The following CLTA variants were observed in gnomAD, a reference collection of about 807,000 sequenced individuals.
CLTA encodes the protein clathrin, light polypeptide (Lca).
Under a neutral mutation model 26.9 loss-of-function variants are expected in CLTA, and 9 were observed. The ratio of observed to expected loss-of-function variants is 0.33; its 90% CI spans 0.20 to 0.58. The LOEUF (loss-of-function observed/expected upper bound fraction) is 0.58, where lower values mean the gene tolerates loss of function less well. Among genes scored for constraint, CLTA ranks in the 20% least tolerant of loss-of-function variants. The pLI is 0.85. For missense variants in CLTA, 278 were observed against 294.2 expected, an observed-to-expected ratio of 0.94 and a Z score of 0.40; for synonymous variants, 120 against 115.5, an observed-to-expected ratio of 1.04 and a Z score of -0.25.
In CLTA at chr9:36,190,967, G is replaced by A; in HGVS notation, c.-90G>A. ...TGGCGCTTGTCCTCCTCTCCCAGTCGGCACCACAGCGGTGGCTGCCGGGCG... is the reference window on the plus strand; with the variant it reads ...TGGCGCTTGTCCTCCTCTCCCAGTCAGCACCACAGCGGTGGCTGCCGGGCG... On this transcript the variant is annotated 5_prime_UTR_variant, in exon 1 of 5. Coordinates refer to ENST00000345519, the MANE Select transcript of CLTA (RefSeq NM_001833.4). 6.9e-7 allele frequency: 1 copy of A among 1,450,014 alleles called. No homozygotes were observed. Among genetic ancestry groups the A allele is most frequent in the Non-Finnish European group, 9.0e-7 (1 of 1,111,198 alleles). The allele number at this position is 1,450,014 out of a possible 1,614,324, so 89.8% of individuals were successfully genotyped here.
At chr9:36,200,895 C>T (rs1220723287) in intron 3 of CLTA, among the ~76,000 whole-genome samples, 2 of 152,198 alleles carry the variant, frequency 1.3e-5, no homozygotes, top group East Asian at 3.9e-4. Context: ...AAAATAGGTC[C>T]TAACAGCTTT....
chr9:36,211,699 TAGC>T lies in CLTA; in HGVS notation c.584_586del (p.Ser195del). ...GGCTGTGTGACTTTAACCCCAAGTC[TAGC>T]AAGCAGGCCAAAGATGTCTCCCGCA... On this transcript the variant is annotated inframe_deletion, in exon 5 of 5. Coordinates refer to ENST00000345519, the MANE Select transcript of CLTA (RefSeq NM_001833.4). The T allele has an allele frequency of 4.3e-6, 7 of 1,614,128 alleles. No individual in the cohort carries two copies. Among genetic ancestry groups the T allele is most frequent in the Non-Finnish European group, 5.9e-6 (7 of 1,179,988 alleles).
chr9:36,197,460 T>C (rs2132875100), intron 1 of CLTA, 91 bp from the exon 2 acceptor site: 2 of 834,204 alleles, frequency 2.4e-6, no homozygotes, highest in African/African-American at 1.7e-5. Context: ...TCAAGGTTCA[T>C]ACAGCATATG....
intron 1 of CLTA, among the ~76,000 whole-genome samples, chr9:36,192,285 A>AC (rs1330483865): frequency 2.0e-5 from 3 of 152,332 alleles, no homozygotes; most frequent in African/African-American, 7.2e-5. Context: ...AGCTGGCTTG[A>AC]CATGAGACAG....
intron 1 of CLTA, among the ~76,000 whole-genome samples, chr9:36,195,199 A>G: frequency 6.6e-6 from 1 of 152,250 alleles, no homozygotes; most frequent in Non-Finnish European, 1.5e-5. Context: ...AAGTAAAAGA[A>G]GAAAAGTGAG....
At chr9:36,211,489 G>T in intron 4 of CLTA, 114 bp from the exon 5 acceptor site, 1 of 1,411,282 alleles carries the variant, frequency 7.1e-7, no homozygotes. Flanking sequence ...TCTTGGGAAA[G>T]CCAGAATGTC....
Position 36,191,007 on chromosome 9 carries a change from C to G in CLTA, c.-50C>G. The G allele has an allele frequency of 1.4e-6, 2 of 1,474,134 alleles. No homozygotes were observed. The highest frequency in any genetic ancestry group is 1.8e-6 in the Non-Finnish European group (2 of 1,122,884). 91.3% of individuals were successfully genotyped at this position (1,474,134 alleles called of 1,614,324 possible). A position where few individuals can be genotyped will look rare whatever the true frequency, so the allele number is the denominator to read the frequency against. On this transcript the variant is annotated 5_prime_UTR_variant, in exon 1 of 5. Coordinates refer to ENST00000345519, the MANE Select transcript of CLTA (RefSeq NM_001833.4). Reference sequence around the variant, plus strand: ...GCTGCCGGGCGTGGTGTCGGTGGGTCGGTTGGTTTTTGTCTCACCGTTGGT... The same window carrying G: ...GCTGCCGGGCGTGGTGTCGGTGGGTGGGTTGGTTTTTGTCTCACCGTTGGT...
At chr9:36,196,826 A>C (rs1367403597) in intron 1 of CLTA, among the ~76,000 whole-genome samples, 3 of 152,214 alleles carry the variant, frequency 2.0e-5, no homozygotes, top group Non-Finnish European at 4.4e-5. Context: ...ACAAACTATA[A>C]GAAACTCATT....
chr9:36,205,755 GTTTT>G (rs746587996), intron 4 of CLTA, among the ~76,000 whole-genome samples: 64 of 93,986 alleles, frequency 6.8e-4, no homozygotes, highest in East Asian at 2.9e-3. Flanking sequence ...AATGACACCT[GTTTT>G]TTTTTTTTTT....
At position 36,190,987 on chromosome 9, in the gene CLTA, C is replaced by T. The variant is rs1314098971; in HGVS notation, c.-70C>T. 31 of 1,463,324 alleles carry T rather than the reference C, an allele frequency of 2.1e-5. No individual in the cohort carries two copies. The highest frequency in any genetic ancestry group is 8.6e-5 in the South Asian group (6 of 70,090). 90.6% of individuals were successfully genotyped at this position (1,463,324 alleles called of 1,614,324 possible). On this transcript the variant is annotated 5_prime_UTR_variant, in exon 1 of 5. Coordinates refer to ENST00000345519, the MANE Select transcript of CLTA (RefSeq NM_001833.4). Reference sequence around the variant, plus strand: ...CAGTCGGCACCACAGCGGTGGCTGCCGGGCGTGGTGTCGGTGGGTCGGTTG... The same window carrying T: ...CAGTCGGCACCACAGCGGTGGCTGCTGGGCGTGGTGTCGGTGGGTCGGTTG...
intron 3 of CLTA, 36 bp downstream of exon 3, chr9:36,199,132 C>A: frequency 7.5e-7 from 1 of 1,328,710 alleles, no homozygotes; most frequent in Non-Finnish European, 1.1e-6. Context: ...TGTCTGTTTT[C>A]AGTGGAGTAG....
intron 1 of CLTA, among the ~76,000 whole-genome samples, chr9:36,195,533 T>G (rs1826972451): frequency 6.6e-6 from 1 of 151,988 alleles, no homozygotes; most frequent in Non-Finnish European, 1.5e-5. Context: ...ATTATCAAAT[T>G]AGCAAAAATT....
chr9:36,206,871 G>A (rs922763066), intron 4 of CLTA, among the ~76,000 whole-genome samples: 3 of 152,028 alleles, frequency 2.0e-5, no homozygotes, highest in African/African-American at 7.3e-5. Context: ...CTCCAGCCTG[G>A]GCAACAGAGC....
chr9:36,195,160 T>A (rs1310659929), intron 1 of CLTA, among the ~76,000 whole-genome samples: 1 of 152,080 alleles, frequency 6.6e-6, no homozygotes, highest in African/African-American at 2.4e-5. Flanking sequence ...AAAAATAAAT[T>A]CCAGGTGGAT....
intron 3 of CLTA, among the ~76,000 whole-genome samples, 163 bp downstream of exon 3, chr9:36,199,259 C>CTG (rs1827256365): frequency 6.6e-6 from 1 of 152,050 alleles, no homozygotes; most frequent in South Asian, 2.1e-4. Context: ...ACAGAGATGC[C>CTG]TAATCACAGG....
intron 3 of CLTA, among the ~76,000 whole-genome samples, chr9:36,201,599 G>A (rs2132900823): frequency 6.6e-6 from 1 of 152,244 alleles, no homozygotes; most frequent in African/African-American, 2.4e-5. Flanking sequence ...TAGTCCTAAT[G>A]TATAGTAAAT....
At chr9:36,197,687 C>CT in intron 2 of CLTA, 99 bp downstream of exon 2, 1 of 865,308 alleles carries the variant, frequency 1.2e-6, no homozygotes, top group Non-Finnish European at 1.8e-6. Flanking sequence ...AGTCCTTTGA[C>CT]TTTCCTGAAT....
At chr9:36,210,530 T>C (rs1026884243) in intron 4 of CLTA, 3 of 1,593,890 alleles carry the variant, frequency 1.9e-6, no homozygotes, top group Non-Finnish European at 2.6e-6. Context: ...GGCAAGGGCA[T>C]GTCCAGCTTA....
At position 36,191,069 on chromosome 9, in the gene CLTA, G is replaced by A; in HGVS notation, c.13G>A (p.Asp5Asn). The A allele has an allele frequency of 6.4e-7, 1 of 1,572,666 alleles. No individual in the cohort carries two copies. The highest frequency in any genetic ancestry group is 8.6e-7 in the Non-Finnish European group (1 of 1,168,398). MAEL[D>N]PFGAPAGAPG... is the part of the protein sequence containing the mutation. ...TCAGTTGCCCGCCATGGCTGAGCTG[G>A]ATCCGTTCGGCGCCCCTGCCGGCGC... is the stretch of plus-strand genomic sequence containing the variant. The change falls in exon 1 of 5, where the codon GAT (aspartate) becomes AAT (asparagine). Residue 5 changes from aspartate to asparagine, a missense_variant. Physicochemically the swap from Asp to Asn is conservative, Grantham distance 23 (BLOSUM62 1). Coordinates refer to ENST00000345519, the MANE Select transcript of CLTA (RefSeq NM_001833.4).
Sources: gnomAD v4.1 joint callset for allele counts (sites outside exome capture counted in the v4.1 genomes callset) on GRCh38, gnomAD v4.1.1 for gene constraint, MANE v1.5 for transcripts, NCBI Gene and HGNC (gene_info 2026-07-23, HGNC 2026-07-21) for gene names.